Variants in CSMD1 observed in about 807,000 individuals in gnomAD.
CSMD1 encodes CUB and Sushi multiple domains 1.
A neutral mutation model predicts 417.5 loss-of-function variants in CSMD1; 213 were observed. The observed-to-expected ratio is 0.51, with a 90% confidence interval of 0.46 to 0.57. CSMD1 has a LOEUF of 0.57. Ranked by LOEUF, CSMD1 falls within the 20% of genes least tolerant of loss-of-function variation. The pLI is 0.00. For synonymous variants in CSMD1, 2,862 were observed against 1,736.8 expected (o/e 1.65, Z -16.11); for missense variants, 6,923 against 4,529.7 (o/e 1.53, Z -15.17).
chr8:3,558,364 G>GAATCGTGCCTC (rs1799272329), intron 10 of CSMD1, among the ~76,000 whole-genome samples: 1 of 123,530 alleles, frequency 8.1e-6, no homozygotes, highest in Non-Finnish European at 1.9e-5. Context: ...CTCCAATGAT[G>GAATCGTGCCTC]AATGGTGCCT....
Position 3,230,105 on chromosome 8 carries a change from G to C in CSMD1, c.4280C>G (p.Ala1427Gly), listed in dbSNP as rs1389240443. 6.2e-7 allele frequency: 1 copy of C among 1,613,608 alleles called. No homozygotes were observed. Among genetic ancestry groups the C allele is most frequent in the Admixed American group, 1.7e-5 (1 of 59,922 alleles). Residue 1427 changes from alanine (A) to glycine (G), a missense_variant, in exon 27 of 70, where the codon GCC (alanine) becomes GGC (glycine). Transcript: ENST00000635120. ...CDPGYQLQGQ[A>G]KITCVQLNNR... ...ATTCAGCTGCACACAGGTGATTTTG[G>C]CTTGTCCTTGGAGCTGATAGCCAGG...
At chr8:3,735,242 T>C (rs1329221325) in intron 6 of CSMD1, among the ~76,000 whole-genome samples, 2 of 152,188 alleles carry the variant, frequency 1.3e-5, no homozygotes, top group Non-Finnish European at 2.9e-5. Flanking sequence ...GATTTGGATA[T>C]TTAGTGATAT....
intron 3 of CSMD1, among the ~76,000 whole-genome samples, chr8:4,278,623 A>T (rs1469953430): frequency 6.6e-6 from 1 of 152,324 alleles, no homozygotes; most frequent in African/African-American, 2.4e-5. Context: ...TGGAAACTCA[A>T]ATTTTAGCTA....
intron 1 of CSMD1, among the ~76,000 whole-genome samples, chr8:4,752,945 AC>A (rs1811427848): frequency 6.6e-6 from 1 of 152,200 alleles, no homozygotes; most frequent in Non-Finnish European, 1.5e-5. Flanking sequence ...GATGATGCTC[AC>A]AGCAGAGCCA....
At chr8:4,834,487 A>C (rs114599091) in intron 1 of CSMD1, among the ~76,000 whole-genome samples, 1 of 152,184 alleles carries the variant, frequency 6.6e-6, no homozygotes, top group Non-Finnish European at 1.5e-5. Context: ...CAGGCAGTGA[A>C]GTTCGAGCTG....
intron 3 of CSMD1, among the ~76,000 whole-genome samples, chr8:4,381,855 C>T (rs1354067505): frequency 6.6e-6 from 1 of 152,154 alleles, no homozygotes; most frequent in Non-Finnish European, 1.5e-5. Context: ...TCAGCATCAC[C>T]TAGGCTCTCT....
intron 3 of CSMD1, among the ~76,000 whole-genome samples, chr8:4,284,738 T>G (rs1299124188): frequency 6.6e-6 from 1 of 152,178 alleles, no homozygotes; most frequent in Non-Finnish European, 1.5e-5. Flanking sequence ...TAACTCCATG[T>G]GTCAGATGAT....
chr8:4,052,163 G>T (rs979233265), intron 3 of CSMD1, among the ~76,000 whole-genome samples: 4 of 152,044 alleles, frequency 2.6e-5, no homozygotes, highest in Non-Finnish European at 5.9e-5. Context: ...GACCTGAAGT[G>T]ATCCACCCAC....
intron 3 of CSMD1, among the ~76,000 whole-genome samples, chr8:4,384,080 G>C (rs778078026): frequency 6.6e-6 from 1 of 152,004 alleles, no homozygotes; most frequent in Admixed American, 6.6e-5. Flanking sequence ...GTCTCAGATG[G>C]AATGGTGTTC....
Position 3,343,331 on chromosome 8 carries a change from T to C in CSMD1, c.3594A>G (p.Gly1198=), listed in dbSNP as rs773223408. The part of the protein sequence containing the change: ...NHLWLEFNTN[G]SDTDQGFQLT... ...GTTGAAAACCTTGGTCGGTGTCAGA[T>C]CCATTGGTGTTGAACTCTAGCCACA... is the stretch of plus-strand genomic sequence containing the variant. The change falls in exon 23 of 70, where the codon GGA becomes GGG. Residue 1198 remains glycine (G), a synonymous_variant. Coordinates refer to ENST00000635120, the MANE Select transcript of CSMD1 (RefSeq NM_033225.6). The C allele has an allele frequency of 2.5e-6, 4 of 1,613,816 alleles. No homozygotes were observed. The South Asian group carries it at 4.4e-5, about 18-fold the overall frequency.
rs774179778 is a variant in CSMD1, at chr8:3,091,562, G to T, written c.7239C>A (p.Ser2413=). 1 of 1,609,988 alleles carries T rather than the reference G, an allele frequency of 6.2e-7. No homozygotes were observed. The highest frequency in any genetic ancestry group is 2.2e-5 in the East Asian group (1 of 44,620). The change falls in exon 48 of 70, where the codon TCC becomes TCA. Residue 2413 remains serine, a synonymous_variant. Transcript: ENST00000635120. Reference sequence around the variant, plus strand: ...CTTTCTTACTGGTGGCATGGTCAGTGGACCAGCGGAGATATAACTGATTAC... The same window carrying T: ...CTTTCTTACTGGTGGCATGGTCAGTTGACCAGCGGAGATATAACTGATTAC... ...SRSNQLYLRW[S]TDHATSKKGF... is the part of the protein sequence containing the mutation.
intron 3 of CSMD1, among the ~76,000 whole-genome samples, chr8:4,171,278 G>A (rs190364789): frequency 3.9e-5 from 6 of 151,944 alleles, no homozygotes; most frequent in Middle Eastern, 3.4e-3. Context: ...TCATTCACCT[G>A]GCATTTATTG....
chr8:3,765,260 T>C (rs1456308469), intron 5 of CSMD1, among the ~76,000 whole-genome samples: 1 of 152,176 alleles, frequency 6.6e-6, no homozygotes, highest in East Asian at 1.9e-4. Flanking sequence ...CTTGATCCTG[T>C]GCAGTCAATC....
In CSMD1 at chr8:3,301,628, A is replaced by G. The variant is rs150600549; in HGVS notation, c.3950+6067T>C. 5.8e-4 allele frequency among the ~76,000 whole-genome samples: 89 copies of G among 152,336 alleles called. 1 individual carries two copies. The highest frequency in any genetic ancestry group is 1.9e-3 in the African/African-American group (78 of 41,596). ...AGAGAGCACCACAGTAGCACAGGCT[A>G]TGATCAGAGATCAGTCAAGCTTTCT... On this transcript the variant is annotated intron_variant, in intron 25 of 69. Coordinates refer to ENST00000635120, the MANE Select transcript of CSMD1 (RefSeq NM_033225.6).
At chr8:3,027,503 C>T (rs1335978184) in intron 51 of CSMD1, among the ~76,000 whole-genome samples, 1 of 152,198 alleles carries the variant, frequency 6.6e-6, no homozygotes, top group Non-Finnish European at 1.5e-5. Context: ...TTAATAAAAT[C>T]ATTTTTTTAA....
intron 2 of CSMD1, among the ~76,000 whole-genome samples, chr8:4,522,482 G>C (rs1437157155): frequency 2.0e-5 from 3 of 152,274 alleles, no homozygotes; most frequent in Admixed American, 6.5e-5. Flanking sequence ...AAAATGGCAA[G>C]ACACAAAATG....
At position 4,143,592 on chromosome 8, in the gene CSMD1, C is replaced by A. The variant is rs373041746; in HGVS notation, c.416-111493G>T. On this transcript the variant is annotated intron_variant, in intron 3 of 69. Coordinates refer to ENST00000635120, the MANE Select transcript of CSMD1 (RefSeq NM_033225.6). ...GACCCACAGTTGTCAACCCCTTTAA[C>A]TAGTTGTGATGCCCATGGCACTCTG... Among the ~76,000 whole-genome samples the A allele has an allele frequency of 1.8e-4, 27 of 151,132 alleles. No homozygotes were observed. In the South Asian group the frequency reaches 5.4e-3, roughly 30 times the overall value.
chr8:3,266,383 A>G (rs541759595), intron 26 of CSMD1, among the ~76,000 whole-genome samples: 3 of 151,886 alleles, frequency 2.0e-5, no homozygotes, highest in Non-Finnish European at 4.4e-5. Flanking sequence ...AGGCGGGTGG[A>G]TCACCTGAGA....
intron 23 of CSMD1, among the ~76,000 whole-genome samples, chr8:3,329,469 A>T (rs140661332): frequency 0.012 from 1,813 of 152,238 alleles, 43 homozygotes; most frequent in African/African-American, 0.041. Context: ...ATGAACGGGG[A>T]AACTGCGGCA....
Sources: gnomAD v4.1 joint callset for allele counts (sites outside exome capture counted in the v4.1 genomes callset) on GRCh38, gnomAD v4.1.1 for gene constraint, MANE v1.5 for transcripts, NCBI Gene and HGNC (gene_info 2026-07-23, HGNC 2026-07-21) for gene names.